Variants in RBBP6 observed in about 807,000 individuals in gnomAD.
RBBP6 encodes RB binding protein 6, ubiquitin ligase.
In RBBP6, 25 loss-of-function variants were observed where a neutral mutation model predicts 167.7. The ratio of observed to expected loss-of-function variants is 0.15; its 90% CI spans 0.11 to 0.21. The LOEUF (loss-of-function observed/expected upper bound fraction) is 0.21, where lower values mean the gene tolerates loss of function less well. RBBP6 is among the 10% of genes least tolerant of loss of function. The pLI, the probability that RBBP6 is intolerant of heterozygous loss-of-function variation, is 1.00. For missense variants in RBBP6, 1,868 were observed against 2,134.2 expected, an observed-to-expected ratio of 0.88 and a Z score of 2.46; for synonymous variants, 789 against 735.8, an observed-to-expected ratio of 1.07 and a Z score of -1.17.
rs1441762247 is a variant in RBBP6, at chr16:24,568,942, A to G, written c.2252A>G (p.His751Arg). 8 of 1,611,330 alleles carry G rather than the reference A, an allele frequency of 5.0e-6. No homozygotes were observed. Among genetic ancestry groups the G allele is most frequent in the Middle Eastern group, 1.7e-4 (1 of 6,060 alleles). ...SRNYRSRSRS[H>R]GYHRSRSRSP... ...AATTACCGTTCACGGTCTAGATCTC[A>G]TGGATATCATCGATCTAGGTCAAGG... The change falls in exon 17 of 18, where the codon CAT becomes CGT. Residue 751 changes from histidine to arginine, a missense_variant. Around this residue, in one of 7 missense-constraint regions of RBBP6, gnomAD observed 673 missense variants for 691.5 expected, o/e 0.97. Transcript: ENST00000319715.
Position 24,555,844 on chromosome 16 carries a change from C to T in RBBP6, c.461C>T (p.Pro154Leu). 1 of 1,610,484 alleles carries T rather than the reference C, an allele frequency of 6.2e-7. No homozygotes were observed. The highest frequency in any genetic ancestry group is 8.5e-7 in the Non-Finnish European group (1 of 1,176,822). ...PINYMKKPLG[P>L]PPPSYTCFRC... ...AGTTACATGAAGAAACCTCTAGGTCCACCACCTCCATCTTACACGTGTTTC... is the reference window on the plus strand; with the variant it reads ...AGTTACATGAAGAAACCTCTAGGTCTACCACCTCCATCTTACACGTGTTTC... Residue 154 changes from proline to leucine, a missense_variant, in exon 6 of 18, where the codon CCA becomes CTA. Coordinates refer to ENST00000319715, the MANE Select transcript of RBBP6 (RefSeq NM_006910.5).
intron 3 of RBBP6, among the ~76,000 whole-genome samples, chr16:24,550,979 C>T (rs970461033): frequency 1.3e-5 from 2 of 151,736 alleles, no homozygotes; most frequent in African/African-American, 4.8e-5. Flanking sequence ...TTTTTCTTAT[C>T]CTGATTAGTA....
chr16:24,563,239 T>C lies in RBBP6; in HGVS notation c.1330T>C (p.Ser444Pro). Residue 444 changes from serine to proline, a missense_variant, in exon 11 of 18, where the codon TCA becomes CCA. Ser to Pro is a moderately conservative substitution (Grantham distance 74). Transcript: ENST00000319715. ...NKILPAAALASEHSKGTSSIA... is the reference protein window; with the variant it reads ...NKILPAAALAPEHSKGTSSIA... ...AATATTGCCAGCTGCAGCTCTTGCA[T>C]CAGAGCACTCAAAGGGAACCTCCTC... The C allele has an allele frequency of 1.9e-6, 3 of 1,611,552 alleles. No individual in the cohort carries two copies. The highest frequency in any genetic ancestry group is 2.5e-6 in the Non-Finnish European group (3 of 1,178,738).
intron 9 of RBBP6, 47 bp downstream of exon 9, chr16:24,561,762 T>G: frequency 6.2e-7 from 1 of 1,607,090 alleles, no homozygotes. Context: ...TTAACTGATT[T>G]AACTGTACTT....
rs756226704 is a variant in RBBP6 at position 24,563,505 on chromosome 16, A to T, written c.1465+4A>T. 2.5e-6 allele frequency: 4 copies of T among 1,612,950 alleles called. No homozygotes were observed. The South Asian group carries it at 4.4e-5, about 18-fold the overall frequency. On this transcript the variant is annotated splice_donor_region_variant and intron_variant, in intron 12 of 17. Coordinates refer to ENST00000319715, the MANE Select transcript of RBBP6 (RefSeq NM_006910.5). Reference sequence around the variant, plus strand: ...GGACAGTTGATCCCCACAACTGGTGAGTAAGATCACTTTGGTTTAGACCTT... The same window carrying T: ...GGACAGTTGATCCCCACAACTGGTGTGTAAGATCACTTTGGTTTAGACCTT...
At chr16:24,540,877 A>T in intron 1 of RBBP6, 85 bp downstream of exon 1, 1 of 1,495,526 alleles carries the variant, frequency 6.7e-7, no homozygotes, top group Non-Finnish European at 9.0e-7. Context: ...AACCGCCATT[A>T]TGTCTCTAGT....
chr16:24,555,452 C>T, intron 4 of RBBP6, 163 bp from the exon 5 acceptor site: 1 of 595,798 alleles, frequency 1.7e-6, no homozygotes, highest in Non-Finnish European at 3.0e-6. Context: ...ATGTAATTAC[C>T]TAAGGAATTC....
Position 24,555,815 on chromosome 16 carries a change from T to C in RBBP6, c.438-6T>C, listed in dbSNP as rs889279039. 3 of 1,602,492 alleles carry C rather than the reference T, an allele frequency of 1.9e-6. No individual in the cohort carries two copies. The highest frequency in any genetic ancestry group is 2.6e-6 in the Non-Finnish European group (3 of 1,169,510). ...GTATACATGTAATTTTTTTTCCCCC[T>C]TTTAGTTACATGAAGAAACCTCTAG... is the stretch of plus-strand genomic sequence containing the variant. On this transcript the variant is annotated splice_region_variant and splice_polypyrimidine_tract_variant and intron_variant, in intron 5 of 17. Transcript: ENST00000319715.
At chr16:24,565,994 A>C (rs1038117908) in intron 14 of RBBP6, among the ~76,000 whole-genome samples, 1 of 152,184 alleles carries the variant, frequency 6.6e-6, no homozygotes, top group Admixed American at 6.5e-5. Flanking sequence ...GAGCTTAGGA[A>C]GTCAAGGCTG....
chr16:24,563,066 C>G (rs1240837215), intron 10 of RBBP6, 133 bp from the exon 11 acceptor site: 4 of 637,532 alleles, frequency 6.3e-6, no homozygotes, highest in Non-Finnish European at 7.9e-6. Flanking sequence ...CTCTCACTTT[C>G]CTCAGAAGTA....
intron 1 of RBBP6, among the ~76,000 whole-genome samples, chr16:24,542,288 A>G (rs1898519983): frequency 6.6e-6 from 1 of 152,198 alleles, no homozygotes; most frequent in Non-Finnish European, 1.5e-5. Context: ...CCATCTTGAC[A>G]TATTGAGTAT....
intron 10 of RBBP6, among the ~76,000 whole-genome samples, chr16:24,562,908 A>AT (rs908844281): frequency 6.6e-6 from 1 of 151,970 alleles, no homozygotes; most frequent in African/African-American, 2.4e-5. Flanking sequence ...TCCTAGGGGG[A>AT]TTTTTGTCTT....
At chr16:24,548,873 T>C (rs770135687) in intron 2 of RBBP6, 72 bp from the exon 3 acceptor site, 4 of 1,227,626 alleles carry the variant, frequency 3.3e-6, no homozygotes, top group Non-Finnish European at 4.6e-6. Context: ...TTGAAGATAA[T>C]GTGTTAAAAT....
Position 24,572,399 on chromosome 16 carries a change from A to T in RBBP6, c.5333A>T (p.Lys1778Met). 1.3e-6 allele frequency: 2 copies of T among 1,539,082 alleles called. No homozygotes were observed. Among genetic ancestry groups the T allele is most frequent in the Non-Finnish European group, 1.7e-6 (2 of 1,143,694 alleles). Reference protein sequence around the residue: ...KKSKKNKDKEKEKEKDDQKVK... With the variant: ...KKSKKNKDKEMEKEKDDQKVK... The stretch of plus-strand genomic sequence containing the variant: ...TCAAAGAAGAACAAAGATAAAGAGA[A>T]GGAGAAGGAGAAAGATGACCAAAAA... Residue 1778 changes from lysine (K) to methionine (M), a missense_variant, in exon 18 of 18, where the codon AAG becomes ATG. By Grantham distance (95) the Lys-to-Met change is moderately conservative (BLOSUM62 -1). Transcript: ENST00000319715.
At chr16:24,564,767 C>G (rs1487880874) in intron 13 of RBBP6, 30 bp from the exon 14 acceptor site, 1 of 1,608,028 alleles carries the variant, frequency 6.2e-7, no homozygotes, top group East Asian at 2.2e-5. Context: ...TGGAGAAATA[C>G]TTGAGCCTAT....
At chr16:24,542,026 T>C (rs887826966) in intron 1 of RBBP6, among the ~76,000 whole-genome samples, 3 of 152,228 alleles carry the variant, frequency 2.0e-5, no homozygotes, top group African/African-American at 7.2e-5. Context: ...ATATCATGAC[T>C]CAAAAATATT....
At chr16:24,566,827 G>A (rs960033292) in intron 14 of RBBP6, among the ~76,000 whole-genome samples, 1 of 152,208 alleles carries the variant, frequency 6.6e-6, no homozygotes, top group Non-Finnish European at 1.5e-5. Context: ...TCAAAAGACA[G>A]TTTAGGAAGT....
intron 2 of RBBP6, among the ~76,000 whole-genome samples, chr16:24,548,139 GCTATAAT>G (rs940331727): frequency 2.0e-5 from 3 of 151,912 alleles, no homozygotes; most frequent in Admixed American, 2.0e-4. Context: ...GCATTAAAAG[GCTATAAT>G]CTAGCAACTC....
At position 24,569,942 on chromosome 16, in the gene RBBP6, C is replaced by A. The variant is rs986977969; in HGVS notation, c.3252C>A (p.Ile1084=). Residue 1084 remains isoleucine, a synonymous_variant, in exon 17 of 18, where the codon ATC becomes ATA. Transcript: ENST00000319715. ...CTTCCTCTCAGAAGGATGAAAAAAT[C>A]ACTGGAACCCCCAGAAAAGCTCACT... ...SSSSSQKDEK[I]TGTPRKAHSK... is the part of the protein sequence containing the mutation. 1 of 1,602,048 alleles carries A rather than the reference C, an allele frequency of 6.2e-7. No individual in the cohort carries two copies. The highest frequency in any genetic ancestry group is 8.5e-7 in the Non-Finnish European group (1 of 1,177,232).
Sources: allele counts gnomAD v4.1 joint callset (sites outside exome capture counted in the v4.1 genomes callset), GRCh38; gene constraint gnomAD v4.1.1; regional missense constraint gnomAD v4.1.1; transcripts MANE v1.5; gene names NCBI Gene and HGNC (gene_info 2026-07-23, HGNC 2026-07-21).